The following POPDC1 variants were observed in gnomAD, a reference collection of about 807,000 sequenced individuals.
POPDC1 encodes the protein popeye domain cAMP effector 1.
the POPDC1 span, chr6:105,097,773 G>A: frequency 1.3e-5 from 2 of 152,152 alleles, no homozygotes; most frequent in Non-Finnish European, 2.9e-5. Flanking sequence ...GCAGCAAAAC[G>A]CAAAGGTGTC....
the POPDC1 span, chr6:105,129,339 C>T: frequency 1.3e-6 from 2 of 1,517,122 alleles, no homozygotes; most frequent in Non-Finnish European, 1.8e-6. Flanking sequence ...AAAGTTTTAG[C>T]TTTAAAATCA....
the POPDC1 span, among the ~76,000 whole-genome samples, chr6:105,115,262 G>T: frequency 1.4e-4 from 21 of 152,042 alleles, no homozygotes; most frequent in Non-Finnish European, 5.9e-5. Flanking sequence ...AATTTTTTTT[G>T]TATTTTTAGT....
the POPDC1 span, chr6:105,133,502 G>C: frequency 1.2e-6 from 2 of 1,613,822 alleles, no homozygotes; most frequent in Non-Finnish European, 1.7e-6. Context: ...GAAGGCACAG[G>C]TATGATACTT....
At chr6:105,098,780 GC>G in the POPDC1 span, 1 of 152,218 alleles carries the variant, frequency 6.6e-6, no homozygotes, top group East Asian at 1.9e-4. Context: ...ATAATTTCAA[GC>G]CTAGGCTGTC....
the POPDC1 span, among the ~76,000 whole-genome samples, chr6:105,135,713 T>C: frequency 2.0e-5 from 3 of 152,066 alleles, no homozygotes; most frequent in Admixed American, 2.0e-4. Context: ...CGACACCTTA[T>C]TAAAGAGAGA....
the POPDC1 span, chr6:105,116,580 A>C: frequency 1.5e-5 from 11 of 740,546 alleles, no homozygotes; most frequent in Admixed American, 7.1e-5. Flanking sequence ...CAAGATTACA[A>C]GTATCCCCAG....
At chr6:105,128,663 T>C in the POPDC1 span, among the ~76,000 whole-genome samples, 3 of 152,242 alleles carry the variant, frequency 2.0e-5, no homozygotes, top group African/African-American at 4.8e-5. Flanking sequence ...ATCATTCAAA[T>C]TAGAATCTTC....
the POPDC1 span, chr6:105,097,500 C>A: frequency 6.6e-6 from 1 of 152,320 alleles, no homozygotes; most frequent in Admixed American, 6.5e-5. Context: ...GGCTTGGAGC[C>A]ACCACACGCA....
the POPDC1 span, among the ~76,000 whole-genome samples, chr6:105,114,212 G>C: frequency 6.6e-6 from 1 of 151,908 alleles, no homozygotes; most frequent in Admixed American, 6.6e-5. Flanking sequence ...GCTTCTTTAG[G>C]TCTTCATTTC....
the POPDC1 span, among the ~76,000 whole-genome samples, chr6:105,125,740 T>C: frequency 1.3e-5 from 2 of 152,168 alleles, no homozygotes; most frequent in African/African-American, 4.8e-5. Context: ...AGTGAAATGG[T>C]GATAGAAGTT....
the POPDC1 span, among the ~76,000 whole-genome samples, chr6:105,119,590 G>C: frequency 6.6e-6 from 1 of 152,170 alleles, no homozygotes; most frequent in Non-Finnish European, 1.5e-5. Flanking sequence ...TCCTCATGAG[G>C]GCCCAGCCAT....
At chr6:105,117,058 T>C in the POPDC1 span, among the ~76,000 whole-genome samples, 1 of 152,212 alleles carries the variant, frequency 6.6e-6, no homozygotes, top group African/African-American at 2.4e-5. Flanking sequence ...AAAAAAGCAA[T>C]CTGCAGACTA....
the POPDC1 span, among the ~76,000 whole-genome samples, chr6:105,117,776 G>A: frequency 3.9e-5 from 6 of 152,174 alleles, no homozygotes; most frequent in Non-Finnish European, 2.9e-5. Context: ...GTATCTTCAC[G>A]TCTGTCTGAA....
the POPDC1 span, chr6:105,097,597 A>G: frequency 2.0e-5 from 3 of 152,366 alleles, no homozygotes; most frequent in African/African-American, 7.2e-5. Context: ...AGCTTTCCCC[A>G]AAGATTTTTC....
the POPDC1 span, among the ~76,000 whole-genome samples, chr6:105,118,920 G>A: frequency 6.6e-6 from 1 of 152,070 alleles, no homozygotes; most frequent in East Asian, 1.9e-4. Flanking sequence ...ATACTGGCAT[G>A]TGCCTACAGT....
At chr6:105,119,388 C>T in the POPDC1 span, among the ~76,000 whole-genome samples, 1 of 152,034 alleles carries the variant, frequency 6.6e-6, no homozygotes, top group Non-Finnish European at 1.5e-5. Context: ...TGAACACATG[C>T]CATGAAGCCT....
At chr6:105,100,981 T>C in the POPDC1 span, 1 of 1,336,548 alleles carries the variant, frequency 7.5e-7, no homozygotes, top group East Asian at 2.5e-5. Context: ...ACTCCACCAG[T>C]CTGGATGCAC....
At chr6:105,120,379 C>T in the POPDC1 span, among the ~76,000 whole-genome samples, 1 of 151,406 alleles carries the variant, frequency 6.6e-6, no homozygotes, top group Non-Finnish European at 1.5e-5. Context: ...TTCATTTCTA[C>T]CAAATAGACA....
At chr6:105,129,601 T>G in the POPDC1 span, 1 of 1,218,940 alleles carries the variant, frequency 8.2e-7, no homozygotes, top group Non-Finnish European at 1.1e-6. Context: ...TAGTCCTCCC[T>G]TTTCTGAAGG....
Sources: allele counts gnomAD v4.1 joint callset (sites outside exome capture counted in the v4.1 genomes callset), GRCh38; gene constraint gnomAD v4.1.1; transcripts MANE v1.5; gene names NCBI Gene and HGNC (gene_info 2026-07-23, HGNC 2026-07-21).